Variants in CFAP47 observed in about 807,000 individuals in gnomAD.
CFAP47 encodes cilia and flagella associated protein 47, also known as cilia- and flagella-associated protein 47.
CFAP47 carries 29 observed loss-of-function variants against 148.1 expected under a neutral mutation model. That is an observed-to-expected ratio of 0.20 (90% CI 0.15 to 0.27). CFAP47 has a LOEUF of 0.27. CFAP47 is among the 10% of genes least tolerant of loss of function. The pLI is 1.00. For missense variants in CFAP47, 1,872 were observed against 1,697.5 expected, an observed-to-expected ratio of 1.10 and a Z score of -1.81; for synonymous variants, 664 against 577.3, an observed-to-expected ratio of 1.15 and a Z score of -2.15.
intron 1 of CFAP47, among the ~76,000 whole-genome samples, chrX:35,924,286 C>T (rs770911604): frequency 1.0e-5 from 1 of 98,859 alleles, no homozygotes; most frequent in Non-Finnish European, 2.0e-5. Context: ...TGTATATGTA[C>T]ATGTATGTGT....
chrX:36,036,686 G>A (rs968224490), intron 24 of CFAP47, among the ~76,000 whole-genome samples: 2 of 111,488 alleles, frequency 1.8e-5, no homozygotes, highest in Non-Finnish European at 1.9e-5. Context: ...CCCAAATTCC[G>A]AGGACACTAA....
At chrX:36,211,100 A>G in intron 45 of CFAP47, 1 of 223,669 alleles carries the variant, frequency 4.5e-6, no homozygotes, top group South Asian at 6.6e-5. Context: ...CTCACTGAAG[A>G]AAAGTAACTA....
intron 63 of CFAP47, among the ~76,000 whole-genome samples, chrX:36,384,372 A>G (rs1053782376): frequency 4.5e-5 from 5 of 111,822 alleles, no homozygotes; most frequent in Non-Finnish European, 9.4e-5. Context: ...ATAAATAAAT[A>G]GTTATACATG....
chrX:36,059,975 TCCTTCCTCTCTC>T (rs1937581418), intron 26 of CFAP47, among the ~76,000 whole-genome samples: 1 of 111,088 alleles, frequency 9.0e-6, no homozygotes, highest in Non-Finnish European at 1.9e-5. Context: ...CTCCCTCTCT[TCCTTCCTCTCTC>T]ACCATGTGAT....
chrX:36,175,586 G>C (rs1939662242), intron 39 of CFAP47, among the ~76,000 whole-genome samples: 1 of 111,951 alleles, frequency 8.9e-6, no homozygotes, highest in African/African-American at 3.3e-5. Flanking sequence ...CCCCTGCTGG[G>C]GTGGTGCCTC....
intron 50 of CFAP47, among the ~76,000 whole-genome samples, chrX:36,282,262 T>A (rs1350701261): frequency 1.8e-5 from 2 of 110,940 alleles, no homozygotes; most frequent in African/African-American, 6.5e-5. Context: ...GACAAAGGAA[T>A]AGATAATTGC....
intron 25 of CFAP47, among the ~76,000 whole-genome samples, chrX:36,045,032 T>C (rs757898441): frequency 3.6e-5 from 4 of 112,128 alleles, no homozygotes; most frequent in Non-Finnish European, 7.5e-5. Context: ...ATATTGTACT[T>C]CTTCCTTTCC....
At chrX:36,316,086 T>A (rs1374908013) in intron 56 of CFAP47, among the ~76,000 whole-genome samples, 1 of 112,363 alleles carries the variant, frequency 8.9e-6, no homozygotes, top group Non-Finnish European at 1.9e-5. Flanking sequence ...AAGCCAGGTT[T>A]CTGTGTACCT....
chrX:36,047,070 T>C lies in CFAP47; in HGVS notation c.4217+7T>C, dbSNP rs745640253. On this transcript the variant is annotated splice_region_variant and intron_variant, in intron 26 of 63. Transcript: ENST00000378653. ...GTGATGACAGAAAAAACTGGTAAGA[T>C]ATCTAAATGTACATTATTTTGTATC... is the stretch of plus-strand genomic sequence containing the variant. The C allele has an allele frequency of 7.1e-5, 73 of 1,031,088 alleles. No homozygotes were observed. The South Asian group carries it at 1.4e-3, about 20-fold the overall frequency. 85.0% of individuals were successfully genotyped at this position (1,031,088 alleles called of 1,213,427 possible).
intron 2 of CFAP47, among the ~76,000 whole-genome samples, chrX:35,927,844 C>T (rs1357045110): frequency 9.1e-6 from 1 of 110,140 alleles, no homozygotes; most frequent in African/African-American, 3.3e-5. Context: ...TTTGTCATCT[C>T]AAATATATTA....
At chrX:36,295,861 G>A (rs1213203006) in intron 51 of CFAP47, among the ~76,000 whole-genome samples, 1 of 111,639 alleles carries the variant, frequency 9.0e-6, no homozygotes, top group East Asian at 2.8e-4. Context: ...TAATATTATA[G>A]TTACATTTGA....
At chrX:36,362,255 T>A (rs1401258527) in intron 61 of CFAP47, among the ~76,000 whole-genome samples, 2 of 112,591 alleles carry the variant, frequency 1.8e-5, no homozygotes, top group Admixed American at 1.9e-4. Context: ...TGTAGGTTTT[T>A]TACATGGGTA....
chrX:36,337,855 C>CTT (rs1941618277), intron 57 of CFAP47, among the ~76,000 whole-genome samples: 1 of 90,401 alleles, frequency 1.1e-5, no homozygotes, highest in Non-Finnish European at 2.1e-5. Flanking sequence ...TTTCCATAAT[C>CTT]CTTTTTTTTT....
intron 48 of CFAP47, among the ~76,000 whole-genome samples, chrX:36,240,574 T>A (rs1940530916): frequency 9.0e-6 from 1 of 111,041 alleles, no homozygotes; most frequent in African/African-American, 3.3e-5. Context: ...ATACAGATTG[T>A]CTAGTCTGGG....
intron 15 of CFAP47, among the ~76,000 whole-genome samples, chrX:35,984,820 G>A (rs962322615): frequency 9.0e-6 from 1 of 111,331 alleles, no homozygotes; most frequent in Non-Finnish European, 1.9e-5. Context: ...TGTTTTGTTT[G>A]ATTTTGTTTT....
intron 59 of CFAP47, among the ~76,000 whole-genome samples, chrX:36,350,372 A>G (rs1941733656): frequency 9.0e-6 from 1 of 111,520 alleles, no homozygotes; most frequent in Admixed American, 9.6e-5. Context: ...AATTAAAATC[A>G]AATTAACTTC....
chrX:36,155,901 C>A (rs61410103), intron 37 of CFAP47, among the ~76,000 whole-genome samples: 11,658 of 110,520 alleles, frequency 0.11, 1,217 homozygotes, highest in African/African-American at 0.32. Context: ...CAATGCCAGG[C>A]AAGCAAATAC....
chrX:36,204,000 T>C (rs781926124), intron 44 of CFAP47, among the ~76,000 whole-genome samples: 1 of 112,119 alleles, frequency 8.9e-6, no homozygotes, highest in African/African-American at 3.2e-5. Context: ...TAAGAATGTA[T>C]CTGATGATGA....
At chrX:36,041,821 G>A (rs1937407939) in intron 25 of CFAP47, among the ~76,000 whole-genome samples, 1 of 107,928 alleles carries the variant, frequency 9.3e-6, no homozygotes. Context: ...AGCTACTTGG[G>A]AGGCTGAGGC....
Sources: allele counts gnomAD v4.1 joint callset (sites outside exome capture counted in the v4.1 genomes callset), GRCh38; gene constraint gnomAD v4.1.1; transcripts MANE v1.5; gene names NCBI Gene and HGNC (gene_info 2026-07-23, HGNC 2026-07-21).